Variants in TMEM132C observed in about 807,000 individuals in gnomAD.
The protein encoded by TMEM132C is transmembrane protein 132C.
TMEM132C carries 29 observed loss-of-function variants against 61.4 expected under a neutral mutation model. That is an observed-to-expected ratio of 0.47 (90% CI 0.35 to 0.64). The LOEUF (loss-of-function observed/expected upper bound fraction) is 0.64, where lower values mean the gene tolerates loss of function less well. Ranked by LOEUF, TMEM132C falls within the 30% of genes least tolerant of loss-of-function variation. The pLI, the probability that TMEM132C is intolerant of heterozygous loss-of-function variation, is 0.00. For missense variants in TMEM132C, 1,408 were observed against 1,476.9 expected, an observed-to-expected ratio of 0.95 and a Z score of 0.76; for synonymous variants, 656 against 633.1, an observed-to-expected ratio of 1.04 and a Z score of -0.54.
At position 128,464,762 on chromosome 12, in the gene TMEM132C, C is replaced by CAGAAAGAAAGAAAGAA. The variant is rs35359461; in HGVS notation, c.974+49150_974+49165dup. ...CCTGGGCAGCAGAGAAAGACCCTGT[C>CAGAAAGAAAGAAAGAA]AGAAAGAAAGAAAGAAAGAAAGAGA... On this transcript the variant is annotated intron_variant, in intron 2 of 8. Transcript: ENST00000435159. Among the ~76,000 whole-genome samples the CAGAAAGAAAGAAAGAA allele has an allele frequency of 7.8e-3, 995 of 127,818 alleles. 10 individuals are homozygous for CAGAAAGAAAGAAAGAA. The highest frequency in any genetic ancestry group is 0.015 in the Middle Eastern group (4 of 274). 83.9% of individuals were successfully genotyped at this position (127,818 alleles called of 152,430 possible).
rs557385145 is a variant in TMEM132C at position 128,643,901 on chromosome 12, C to CA, written c.1306-25508dup. Among the ~76,000 whole-genome samples the CA allele has an allele frequency of 4.9e-3, 732 of 150,060 alleles. 2 individuals are homozygous for CA. The highest frequency in any genetic ancestry group is 6.9e-3 in the Non-Finnish European group (466 of 67,540). ...CAGTAATGGCTCGATGAACTTGAGC[C>CA]AAAAAAAAGCAAGGTCTAAATATAA... On this transcript the variant is annotated intron_variant, in intron 4 of 8. Coordinates refer to ENST00000435159, the MANE Select transcript of TMEM132C (RefSeq NM_001136103.3).
chr12:128,542,207 A>G (rs1176330309), intron 2 of TMEM132C, among the ~76,000 whole-genome samples: 1 of 152,120 alleles, frequency 6.6e-6, no homozygotes, highest in Non-Finnish European at 1.5e-5. Flanking sequence ...AGTTCTGCTG[A>G]CTTGTTTTAT....
chr12:128,415,345 C>T lies in TMEM132C; in HGVS notation c.699C>T (p.His233=). The change falls in exon 2 of 9, where the codon CAC becomes CAT. Residue 233 remains histidine, a synonymous_variant. Coordinates refer to ENST00000435159, the MANE Select transcript of TMEM132C (RefSeq NM_001136103.3). The surrounding 1 kb of genome is among the most constrained non-coding windows in gnomAD (Gnocchi z 5.8). The part of the protein sequence containing the change: ...GTPVELYYTV[H]PGNERGDCAG... ...CTGTGGAGCTCTACTACACCGTGCA[C>T]CCAGGAAACGAGCGAGGGGACTGTG... 1.0e-5 allele frequency: 16 copies of T among 1,579,418 alleles called. No individual in the cohort carries two copies. The highest frequency in any genetic ancestry group is 1.4e-5 in the Non-Finnish European group (16 of 1,161,192).
chr12:128,504,684 T>G (rs1872298626), intron 2 of TMEM132C, among the ~76,000 whole-genome samples: 1 of 151,938 alleles, frequency 6.6e-6, no homozygotes, highest in South Asian at 2.1e-4. Flanking sequence ...CCTCTTCTAA[T>G]AAGTACGCCA....
intron 2 of TMEM132C, among the ~76,000 whole-genome samples, chr12:128,518,586 A>G (rs1872795926): frequency 6.6e-6 from 1 of 152,246 alleles, no homozygotes. Context: ...TATTTTAATT[A>G]TGCAAACATT....
At chr12:128,464,814 A>AGAAAGAGAGAAAGAGAGAAAGAG (rs1204922690) in intron 2 of TMEM132C, among the ~76,000 whole-genome samples, 1 of 136,152 alleles carries the variant, frequency 7.3e-6, no homozygotes, top group African/African-American at 2.8e-5. Flanking sequence ...GGGAGGAAGG[A>AGAAAGAGAGAAAGAGAGAAAGAG]AGAAAATAAA....
intron 1 of TMEM132C, among the ~76,000 whole-genome samples, chr12:128,290,422 G>T (rs1452983602): frequency 1.3e-5 from 2 of 152,050 alleles, no homozygotes; most frequent in Non-Finnish European, 2.9e-5. Flanking sequence ...ACAGCATGGG[G>T]AAAGCCGCCC....
intron 3 of TMEM132C, among the ~76,000 whole-genome samples, chr12:128,597,474 G>C (rs2135571016): frequency 7.7e-6 from 1 of 129,844 alleles, no homozygotes; most frequent in East Asian, 2.3e-4. Flanking sequence ...GAGCGAGAGA[G>C]AGGAAGGAAG....
At chr12:128,526,058 T>C (rs1463554563) in intron 2 of TMEM132C, among the ~76,000 whole-genome samples, 1 of 152,190 alleles carries the variant, frequency 6.6e-6, no homozygotes, top group Non-Finnish European at 1.5e-5. Flanking sequence ...AGAAACCAAG[T>C]TCAGGGTCAG....
At chr12:128,418,835 C>A (rs1335283739) in intron 2 of TMEM132C, among the ~76,000 whole-genome samples, 1 of 152,200 alleles carries the variant, frequency 6.6e-6, no homozygotes, top group African/African-American at 2.4e-5. Context: ...TCCTTGAACA[C>A]CTGCCAGAGT....
At chr12:128,463,205 G>A (rs917406204) in intron 2 of TMEM132C, among the ~76,000 whole-genome samples, 4 of 152,060 alleles carry the variant, frequency 2.6e-5, no homozygotes, top group Admixed American at 6.6e-5. Context: ...ATAACCTACC[G>A]CAATTATATC....
At chr12:128,530,535 C>T (rs1873254909) in intron 2 of TMEM132C, among the ~76,000 whole-genome samples, 1 of 152,110 alleles carries the variant, frequency 6.6e-6, no homozygotes. Flanking sequence ...CCTCTGCCTA[C>T]CTTGTTCAAG....
intron 1 of TMEM132C, among the ~76,000 whole-genome samples, chr12:128,402,954 G>A (rs913127494): frequency 1.4e-4 from 21 of 152,116 alleles, no homozygotes; most frequent in African/African-American, 3.9e-4. Flanking sequence ...ATTATGGAGC[G>A]CTCCCAGAGA....
intron 1 of TMEM132C, among the ~76,000 whole-genome samples, chr12:128,383,094 G>A (rs1474729140): frequency 1.3e-5 from 2 of 148,736 alleles, no homozygotes; most frequent in African/African-American, 2.4e-5. Flanking sequence ...ATGTGCATCT[G>A]TGTGTACATG....
chr12:128,467,600 G>A (rs758778313), intron 2 of TMEM132C, among the ~76,000 whole-genome samples: 3 of 152,080 alleles, frequency 2.0e-5, no homozygotes, highest in East Asian at 1.9e-4. Flanking sequence ...TCTCCATCTC[G>A]CAGTAGCAGG....
At chr12:128,524,877 T>G (rs977509183) in intron 2 of TMEM132C, among the ~76,000 whole-genome samples, 2 of 152,346 alleles carry the variant, frequency 1.3e-5, no homozygotes, top group African/African-American at 4.8e-5. Context: ...TGATGCTTTC[T>G]TATCCCTGCT....
In TMEM132C at chr12:128,556,142, A is replaced by T. The variant is rs1213653028; in HGVS notation, c.1121+12039A>T. Among the ~76,000 whole-genome samples, 6 of 152,158 alleles carry T rather than the reference A, an allele frequency of 3.9e-5. No homozygotes were observed. In the East Asian group the frequency reaches 1.2e-3, roughly 29 times the overall value. Reference sequence around the variant, plus strand: ...AGGCTGTGAAAGAGCCTGAAGGAAGATTTTACTGGAGACCGAAGGGCCAGA... The same window carrying T: ...AGGCTGTGAAAGAGCCTGAAGGAAGTTTTTACTGGAGACCGAAGGGCCAGA... On this transcript the variant is annotated intron_variant, in intron 3 of 8. Transcript: ENST00000435159.
Position 128,705,809 on chromosome 12 carries a change from C to G in TMEM132C, c.2841C>G (p.Thr947=). 1 of 1,551,708 alleles carries G rather than the reference C, an allele frequency of 6.4e-7. No homozygotes were observed. The highest frequency in any genetic ancestry group is 1.4e-5 in the African/African-American group (1 of 73,178). The change falls in exon 9 of 9, where the codon ACC becomes ACG. Residue 947 remains threonine, a synonymous_variant. Transcript: ENST00000435159. The stretch of plus-strand genomic sequence containing the variant: ...TCGTCTTCCTGATCAACTGCGCCAC[C>G]TTTGCCCTGAAGTACAGGCACAAGC... ...AILVFLINCA[T]FALKYRHKQV...
chr12:128,465,841 G>A (rs1377802311), intron 2 of TMEM132C, among the ~76,000 whole-genome samples: 1 of 152,176 alleles, frequency 6.6e-6, no homozygotes, highest in African/African-American at 2.4e-5. Flanking sequence ...TGCTCAGTTA[G>A]CCGGTTGCTG....
Sources: gnomAD v4.1 joint callset for allele counts (sites outside exome capture counted in the v4.1 genomes callset) on GRCh38, gnomAD v4.1.1 for gene constraint, Gnocchi (gnomAD v3.1) non-coding constraint, MANE v1.5 for transcripts, NCBI Gene and HGNC (gene_info 2026-07-23, HGNC 2026-07-21) for gene names.